CNTNAP2: variants seen among roughly 807,000 people sequenced by gnomAD.
The protein encoded by CNTNAP2 is contactin-associated protein-like 2.
Under a neutral mutation model 155.2 loss-of-function variants are expected in CNTNAP2, and 98 were observed. The observed-to-expected ratio is 0.63, with a 90% CI of 0.54 to 0.75. The LOEUF is 0.75. Among genes scored for constraint, CNTNAP2 ranks in the 30% least tolerant of loss-of-function variants. CNTNAP2 has a pLI of 0.00. For synonymous variants in CNTNAP2, 651 were observed against 631.2 expected, an observed-to-expected ratio of 1.03 and a Z score of -0.47; for missense variants, 1,727 against 1,688.1, an observed-to-expected ratio of 1.02 and a Z score of -0.40.
chr7:147,446,108 G>C (rs1424798162), intron 10 of CNTNAP2, among the ~76,000 whole-genome samples: 5 of 149,126 alleles, frequency 3.4e-5, no homozygotes, highest in African/African-American at 2.5e-5. Flanking sequence ...AGACACACTT[G>C]CTCTTTGTTT....
chr7:147,631,658 G>T (rs1177218887), intron 12 of CNTNAP2, among the ~76,000 whole-genome samples: 1 of 152,122 alleles, frequency 6.6e-6, no homozygotes, highest in Admixed American at 6.6e-5. Context: ...ACAAAATAGA[G>T]AATCCAGAAA....
At chr7:147,501,277 T>C (rs1348983325) in intron 11 of CNTNAP2, among the ~76,000 whole-genome samples, 1 of 151,734 alleles carries the variant, frequency 6.6e-6, no homozygotes, top group Non-Finnish European at 1.5e-5. Context: ...GCTATCATCA[T>C]CCTCAATGGT....
intron 1 of CNTNAP2, among the ~76,000 whole-genome samples, chr7:146,574,813 A>C (rs1050928019): frequency 6.6e-6 from 1 of 152,204 alleles, no homozygotes; most frequent in South Asian, 2.1e-4. Context: ...TTTCTTCTTC[A>C]TTTTTTGAAA....
chr7:148,392,495 T>G (rs1799373792), intron 22 of CNTNAP2, among the ~76,000 whole-genome samples: 1 of 152,186 alleles, frequency 6.6e-6, no homozygotes, highest in Admixed American at 6.5e-5. Flanking sequence ...TGTAAATTGC[T>G]AGCAGGTGAA....
intron 17 of CNTNAP2, among the ~76,000 whole-genome samples, chr7:148,161,335 G>C (rs987227385): frequency 6.6e-6 from 1 of 151,954 alleles, no homozygotes. Context: ...CTGTCATTTC[G>C]CCTTCTGAGT....
chr7:147,572,142 C>T (rs986408639), intron 12 of CNTNAP2, among the ~76,000 whole-genome samples: 3 of 152,206 alleles, frequency 2.0e-5, no homozygotes, highest in East Asian at 1.9e-4. Flanking sequence ...AACTCTTCTC[C>T]GTAACGGATT....
chr7:147,642,637 T>C (rs1196327154), intron 13 of CNTNAP2, among the ~76,000 whole-genome samples: 2 of 152,172 alleles, frequency 1.3e-5, no homozygotes, highest in East Asian at 3.9e-4. Flanking sequence ...AAGACATTTT[T>C]CTTTAACCTC....
intron 3 of CNTNAP2, among the ~76,000 whole-genome samples, chr7:146,924,185 G>A (rs1381308288): frequency 6.6e-6 from 1 of 152,030 alleles, no homozygotes; most frequent in Non-Finnish European, 1.5e-5. Flanking sequence ...GGCCTTGTCA[G>A]GTTTCTTGTC....
At chr7:146,621,054 G>A (rs531088557) in intron 1 of CNTNAP2, among the ~76,000 whole-genome samples, 1 of 151,802 alleles carries the variant, frequency 6.6e-6, no homozygotes, top group Non-Finnish European at 1.5e-5. Context: ...TCCATATATC[G>A]ATCTCAACTT....
At chr7:146,328,717 A>G (rs997916191) in intron 1 of CNTNAP2, among the ~76,000 whole-genome samples, 1 of 151,850 alleles carries the variant, frequency 6.6e-6, no homozygotes. Context: ...CCTCCTAATC[A>G]CCATTCTCCT....
rs143026861 is a variant in CNTNAP2, at chr7:148,192,205, C to T, written c.3010+19727C>T. ...TTACATAGTGGTGAAGTCAGAGCTT[C>T]TAAGGTCTCCATCACTCAAACAAAA... On this transcript the variant is annotated intron_variant, in intron 18 of 23. Transcript: ENST00000361727. Among the ~76,000 whole-genome samples, 556 of 152,280 alleles carry T rather than the reference C, an allele frequency of 3.7e-3. 4 individuals carry two copies. The highest frequency in any genetic ancestry group is 0.012 in the African/African-American group (517 of 41,578).
intron 1 of CNTNAP2, among the ~76,000 whole-genome samples, chr7:146,481,690 T>G (rs988953428): frequency 6.6e-6 from 1 of 152,212 alleles, no homozygotes; most frequent in African/African-American, 2.4e-5. Flanking sequence ...TTTATGAAAT[T>G]AATTATCCTT....
chr7:147,329,138 A>ACC (rs201685568), intron 9 of CNTNAP2, among the ~76,000 whole-genome samples: 6 of 149,466 alleles, frequency 4.0e-5, no homozygotes, highest in Non-Finnish European at 8.9e-5. Context: ...GGGATTGAGC[A>ACC]CCCCCCCACA....
chr7:148,017,395 T>A (rs1273165167), intron 15 of CNTNAP2, among the ~76,000 whole-genome samples: 1 of 152,200 alleles, frequency 6.6e-6, no homozygotes, highest in East Asian at 1.9e-4. Flanking sequence ...TGTGTTTACA[T>A]GAGACTTGGA....
chr7:147,743,216 C>T (rs1796981078), intron 13 of CNTNAP2, among the ~76,000 whole-genome samples: 1 of 152,130 alleles, frequency 6.6e-6, no homozygotes, highest in African/African-American at 2.4e-5. Context: ...TATGCGATGT[C>T]CACTATGATT....
intron 8 of CNTNAP2, among the ~76,000 whole-genome samples, chr7:147,180,052 A>G (rs1486138731): frequency 6.6e-6 from 1 of 152,152 alleles, no homozygotes; most frequent in East Asian, 1.9e-4. Context: ...GACCTGTTAA[A>G]GAATACCCAG....
At chr7:146,164,048 A>AG (rs1798274313) in intron 1 of CNTNAP2, among the ~76,000 whole-genome samples, 1 of 152,192 alleles carries the variant, frequency 6.6e-6, no homozygotes, top group African/African-American at 2.4e-5. Context: ...TCATATGTTT[A>AG]GGTAGAATTA....
At chr7:148,299,458 A>T (rs889309873) in intron 21 of CNTNAP2, among the ~76,000 whole-genome samples, 4 of 152,240 alleles carry the variant, frequency 2.6e-5, no homozygotes, top group Non-Finnish European at 5.9e-5. Flanking sequence ...GAGCCAGCTC[A>T]GGCCAGGCAG....
chr7:148,062,054 T>A (rs967254928), intron 15 of CNTNAP2, among the ~76,000 whole-genome samples: 19 of 150,864 alleles, frequency 1.3e-4, no homozygotes, highest in African/African-American at 4.6e-4. Context: ...TGTGTGTGTG[T>A]GTGTGTGTGT....
Sources: allele counts gnomAD v4.1 joint callset (sites outside exome capture counted in the v4.1 genomes callset), GRCh38; gene constraint gnomAD v4.1.1; transcripts MANE v1.5; gene names NCBI Gene and HGNC (gene_info 2026-07-23, HGNC 2026-07-21).